Variants in UBXN2A observed in about 807,000 individuals in gnomAD.
The protein encoded by UBXN2A is UBX domain protein 2A.
UBXN2A carries 28 observed loss-of-function variants against 28.4 expected under a neutral mutation model. The ratio of observed to expected loss-of-function variants is 0.99; its 90% confidence interval spans 0.73 to 1.35. UBXN2A has a LOEUF of 1.35. UBXN2A is among the 40% of genes most tolerant of loss of function. UBXN2A has a pLI of 0.00. For missense variants in UBXN2A, 253 were observed against 297.9 expected (o/e 0.85, Z 1.11); for synonymous variants, 97 against 103.6 (o/e 0.94, Z 0.39).
chr2:23,951,435 T>G (rs751774973), intron 1 of UBXN2A, among the ~76,000 whole-genome samples: 15,418 of 52,786 alleles, frequency 0.29, 1,361 homozygotes, highest in Middle Eastern at 0.43. Context: ...TATATATATA[T>G]ATATATATAT....
At chr2:23,985,821 C>A (rs1266997673) in intron 6 of UBXN2A, among the ~76,000 whole-genome samples, 1 of 151,954 alleles carries the variant, frequency 6.6e-6, no homozygotes, top group Non-Finnish European at 1.5e-5. Flanking sequence ...TATAGTGAGA[C>A]CTCGTGTCTA....
In UBXN2A at chr2:23,982,945, G is replaced by C; in HGVS notation, c.337G>C (p.Val113Leu). The change falls in exon 5 of 7, where the codon GTT becomes CTT. Residue 113 changes from valine (V) to leucine (L), a missense_variant. Transcript: ENST00000309033. ...QGIFDKEEVDVKVEDKKNEIC... is the reference protein window; with the variant it reads ...QGIFDKEEVDLKVEDKKNEIC... ...AATTTTTGATAAAGAAGAGGTGGAC[G>C]TTAAAGTTGAAGACAAGAAAAATGA... 2 of 1,610,746 alleles carry C rather than the reference G, an allele frequency of 1.2e-6. No individual in the cohort carries two copies. The highest frequency in any genetic ancestry group is 1.7e-6 in the Non-Finnish European group (2 of 1,178,218).
At chr2:23,973,444 T>A (rs1433875039) in intron 3 of UBXN2A, among the ~76,000 whole-genome samples, 1 of 151,724 alleles carries the variant, frequency 6.6e-6, no homozygotes, top group Non-Finnish European at 1.5e-5. Context: ...GTTCATGCCA[T>A]TCTCCTGCCT....
intron 1 of UBXN2A, among the ~76,000 whole-genome samples, chr2:23,941,205 A>G (rs933482802): frequency 2.6e-5 from 4 of 152,080 alleles, no homozygotes; most frequent in Non-Finnish European, 4.4e-5. Context: ...TTCGTGTGGC[A>G]TCCAGCGTTG....
At chr2:23,982,156 G>A (rs1438827406) in intron 4 of UBXN2A, among the ~76,000 whole-genome samples, 3 of 149,534 alleles carry the variant, frequency 2.0e-5, no homozygotes, top group Non-Finnish European at 4.5e-5. Flanking sequence ...TCAGGAGATC[G>A]AGACCATCCT....
chr2:23,951,380 T>A (rs1250108691), intron 1 of UBXN2A, among the ~76,000 whole-genome samples: 1 of 146,158 alleles, frequency 6.8e-6, no homozygotes, highest in Non-Finnish European at 1.5e-5. Context: ...TTTTAACAAC[T>A]TTCCATCATT....
rs1265273232 is a variant in UBXN2A, at chr2:24,002,294, A to C, written c.*2427A>C. Reference sequence around the variant, plus strand: ...GTGGCACATGCCTGTAATCTCAGCTACTAGGGAGGCTGAGGGAGGAGAATT... The same window carrying C: ...GTGGCACATGCCTGTAATCTCAGCTCCTAGGGAGGCTGAGGGAGGAGAATT... On this transcript the variant is annotated 3_prime_UTR_variant, in exon 7 of 7. Coordinates refer to ENST00000309033, the MANE Select transcript of UBXN2A (RefSeq NM_181713.4). 3 of 152,026 alleles carry C rather than the reference A, an allele frequency of 2.0e-5. No homozygotes were observed. The highest frequency in any genetic ancestry group is 7.3e-5 in the African/African-American group (3 of 41,366). The allele number at this position is 152,026 out of a possible 1,614,324, so 9.4% of individuals were successfully genotyped here. A position where few individuals can be genotyped will look rare whatever the true frequency, so the allele number is the denominator to read the frequency against.
intron 1 of UBXN2A, among the ~76,000 whole-genome samples, chr2:23,929,352 A>G (rs1705300850): frequency 6.6e-6 from 1 of 151,822 alleles, no homozygotes; most frequent in African/African-American, 2.4e-5. Flanking sequence ...CAGTGAGCCA[A>G]GTTCATGCCA....
chr2:23,955,559 AT>A (rs1305991296), intron 1 of UBXN2A, among the ~76,000 whole-genome samples: 11 of 152,212 alleles, frequency 7.2e-5, no homozygotes, highest in Admixed American at 5.9e-4. Flanking sequence ...CAGTTTTGTC[AT>A]TGTGTGAATA....
At chr2:23,976,913 T>G (rs766061057) in intron 3 of UBXN2A, 56 bp from the exon 4 acceptor site, 1 of 1,461,422 alleles carries the variant, frequency 6.8e-7, no homozygotes, top group Non-Finnish European at 9.5e-7. Context: ...TCAAAGGACT[T>G]TCAATCCTAC....
chr2:23,938,784 A>G (rs931528876), upstream of UBXN2A, among the ~76,000 whole-genome samples: 1 of 152,244 alleles, frequency 6.6e-6, no homozygotes, highest in African/African-American at 2.4e-5. Flanking sequence ...AATTGAGAGT[A>G]CAGAAATAAA....
Position 23,999,761 on chromosome 2 carries a change from GGTTGCTA to G in UBXN2A, c.676_682del (p.Leu226MetfsTer35). ...CTGGCAACAGCTCTTCCTGTCCTCAGGTTGCTAGATGAGACACTCACACTGGAAGAAG... is the reference window on the plus strand; with the variant it reads ...CTGGCAACAGCTCTTCCTGTCCTCAGGATGAGACACTCACACTGGAAGAAG... On this transcript the variant is annotated frameshift_variant, in exon 7 of 7. Coordinates refer to ENST00000309033, the MANE Select transcript of UBXN2A (RefSeq NM_181713.4). LOFTEE classifies it high-confidence loss of function. 6.2e-7 allele frequency: 1 copy of G among 1,614,148 alleles called. No individual in the cohort carries two copies.
intron 1 of UBXN2A, among the ~76,000 whole-genome samples, chr2:23,956,500 C>CGACCA (rs1706631805): frequency 6.6e-6 from 1 of 151,862 alleles, no homozygotes; most frequent in South Asian, 2.1e-4. Context: ...TTACTTGCGC[C>CGACCA]GACCACCATG....
intron 2 of UBXN2A, among the ~76,000 whole-genome samples, chr2:23,966,286 A>C (rs112260785): frequency 1.0e-4 from 15 of 145,598 alleles, no homozygotes; most frequent in South Asian, 2.2e-4. Flanking sequence ...CTACAGGCAC[A>C]TGCCACCACT....
At chr2:23,960,706 C>T (rs1367852681) in intron 2 of UBXN2A, among the ~76,000 whole-genome samples, 1 of 152,092 alleles carries the variant, frequency 6.6e-6, no homozygotes, top group Non-Finnish European at 1.5e-5. Flanking sequence ...GATCTTGGCT[C>T]ACTGCAACCT....
At chr2:23,984,633 A>G (rs777767960) in intron 5 of UBXN2A, 40 bp from the exon 6 acceptor site, 2 of 1,412,714 alleles carry the variant, frequency 1.4e-6, no homozygotes, top group South Asian at 3.8e-5. Context: ...GTTTTATTGA[A>G]TGGAAAAAAC....
intron 1 of UBXN2A, among the ~76,000 whole-genome samples, chr2:23,951,556 G>C (rs770810006): frequency 1.3e-5 from 2 of 151,324 alleles, no homozygotes; most frequent in Non-Finnish European, 2.9e-5. Flanking sequence ...TGCCTCCAAG[G>C]TTCAAGCGAT....
intron 1 of UBXN2A, among the ~76,000 whole-genome samples, chr2:23,955,598 T>G (rs1160008932): frequency 6.6e-6 from 1 of 152,246 alleles, no homozygotes; most frequent in Non-Finnish European, 1.5e-5. Flanking sequence ...ACAAACCTGA[T>G]GTTATAGCCA....
chr2:23,943,624 A>T (rs538172584), intron 1 of UBXN2A, among the ~76,000 whole-genome samples: 2 of 152,120 alleles, frequency 1.3e-5, no homozygotes, highest in East Asian at 3.9e-4. Flanking sequence ...AGTAGTTGGG[A>T]TTACAGGTAT....
Sources: allele counts gnomAD v4.1 joint callset (sites outside exome capture counted in the v4.1 genomes callset), GRCh38; gene constraint gnomAD v4.1.1; transcripts MANE v1.5; gene names NCBI Gene and HGNC (gene_info 2026-07-23, HGNC 2026-07-21).